The following MIB2 variants were observed in gnomAD, a reference collection of about 807,000 sequenced individuals.
The protein encoded by MIB2 is E3 ubiquitin-protein ligase MIB2.
In MIB2, 78 loss-of-function variants were observed where a neutral mutation model predicts 96.6. That is an observed-to-expected ratio of 0.81 (90% CI 0.67 to 0.97). The LOEUF (loss-of-function observed/expected upper bound fraction) is 0.97, where lower values mean the gene tolerates loss of function less well. Among genes scored for constraint, MIB2 ranks in the 50% least tolerant of loss-of-function variants. The probability of loss-of-function intolerance (pLI) is 0.00; values close to 1 mark genes in which losing one functional copy is unlikely to be tolerated. For synonymous variants in MIB2, 820 were observed against 629.5 expected (o/e 1.30, Z -4.53); for missense variants, 1,543 against 1,424.0 (o/e 1.08, Z -1.35).
At chr1:1,619,470 C>A (rs922921477) in intron 2 of MIB2, among the ~76,000 whole-genome samples, 4 of 152,254 alleles carry the variant, frequency 2.6e-5, no homozygotes, top group African/African-American at 9.6e-5. Flanking sequence ...CACACTGGCA[C>A]CGCAGAAGGG....
In MIB2 at chr1:1,627,711, G is replaced by C; in HGVS notation, c.1562G>C (p.Gly521Ala). ...GCCACCAGGGTGCTCCTGAGTGCTGGGTGCCGGGCGGACGCCATCAACAGC... is the reference window on the plus strand; with the variant it reads ...GCCACCAGGGTGCTCCTGAGTGCTGCGTGCCGGGCGGACGCCATCAACAGC... ...PEATRVLLSA[G>A]CRADAINSTQ... The change falls in exon 13 of 20, where the codon GGG becomes GCG. Residue 521 changes from glycine to alanine, a missense_variant. Physicochemically the swap from Gly to Ala is moderately conservative, Grantham distance 60 (BLOSUM62 0). Coordinates refer to ENST00000355826, the MANE Select transcript of MIB2 (RefSeq NM_001170687.4). 1 of 1,595,100 alleles carries C rather than the reference G, an allele frequency of 6.3e-7. No homozygotes were observed. The highest frequency in any genetic ancestry group is 1.1e-5 in the South Asian group (1 of 90,398).
chr1:1,621,726 A>G (rs1166285079), intron 2 of MIB2, among the ~76,000 whole-genome samples: 1 of 152,198 alleles, frequency 6.6e-6, no homozygotes, highest in Non-Finnish European at 1.5e-5. Flanking sequence ...TGGAGAGGCC[A>G]AGCTGGCCAG....
intron 2 of MIB2, chr1:1,623,064 CT>C: frequency 2.6e-6 from 1 of 384,360 alleles, no homozygotes; most frequent in South Asian, 4.8e-5. Flanking sequence ...GCAGCTCTTA[CT>C]TTAGTGAAGT....
upstream of MIB2, chr1:1,614,328 T>C (rs563035725): frequency 3.9e-5 from 6 of 152,392 alleles, no homozygotes; most frequent in East Asian, 3.9e-4. Flanking sequence ...CCGGACTTAC[T>C]GCAGGGAAAT....
chr1:1,628,854 C>A, intron 16 of MIB2, 132 bp downstream of exon 16: 2 of 853,384 alleles, frequency 2.3e-6, no homozygotes, highest in Non-Finnish European at 3.5e-6. Context: ...GGGGGTGGAG[C>A]AGATGGGAGC....
rs993978274 is a variant in MIB2, at chr1:1,623,575, C to T, written c.123C>T (p.Arg41=). ...GGVGTVVELG[R]HGSPSTPDRT... is the part of the protein sequence containing the mutation. ...TGGGCACGGTGGTGGAGCTTGGCCGCCACGGCAGCCCCTCGACACCCGACC... is the reference window on the plus strand; with the variant it reads ...TGGGCACGGTGGTGGAGCTTGGCCGTCACGGCAGCCCCTCGACACCCGACC... Residue 41 remains arginine, a synonymous_variant, in exon 3 of 20, where the codon CGC becomes CGT. Coordinates refer to ENST00000355826, the MANE Select transcript of MIB2 (RefSeq NM_001170687.4). The T allele has an allele frequency of 2.0e-6, 3 of 1,515,856 alleles. No homozygotes were observed. Among genetic ancestry groups the T allele is most frequent in the Non-Finnish European group, 2.6e-6 (3 of 1,132,716 alleles). The allele number at this position is 1,515,856 out of a possible 1,614,324, so 93.9% of individuals were successfully genotyped here.
intron 19 of MIB2, 61 bp from the exon 20 acceptor site, chr1:1,630,231 T>G: frequency 2.2e-5 from 3 of 138,266 alleles, no homozygotes; most frequent in Non-Finnish European, 3.3e-5. Flanking sequence ...CCCCCGCAGC[T>G]CCCTGCTCCC....
At position 1,629,186 on chromosome 1, in the gene MIB2, C is replaced by T. The variant is rs1645115918; in HGVS notation, c.2256C>T (p.Val752=). ...GSAELTVGAA[V]ACFLALEGAD... is the part of the protein sequence containing the mutation. ...CGGAGCTGACGGTGGGCGCGGCGGT[C>T]GCCTGCTTCCTGGCGCTGGAGGGCG... The change falls in exon 17 of 20, where the codon GTC becomes GTT. Residue 752 remains valine (V), a synonymous_variant. Coordinates refer to ENST00000355826, the MANE Select transcript of MIB2 (RefSeq NM_001170687.4). 6.6e-7 allele frequency: 1 copy of T among 1,510,432 alleles called. No homozygotes were observed. Among genetic ancestry groups the T allele is most frequent in the Non-Finnish European group, 8.8e-7 (1 of 1,137,642 alleles). The allele number at this position is 1,510,432 out of a possible 1,614,324, so 93.6% of individuals were successfully genotyped here. A position where few individuals can be genotyped will look rare whatever the true frequency, so the allele number is the denominator to read the frequency against.
At chr1:1,621,204 G>A (rs1644231210) in intron 2 of MIB2, among the ~76,000 whole-genome samples, 1 of 152,254 alleles carries the variant, frequency 6.6e-6, no homozygotes. Context: ...GGGGAATAGT[G>A]CCACAGGGGC....
chr1:1,615,537 T>C lies in MIB2; in HGVS notation c.-226T>C, dbSNP rs1643519966. 1 of 1,534,134 alleles carries C rather than the reference T, an allele frequency of 6.5e-7. No homozygotes were observed. Among genetic ancestry groups the C allele is most frequent in the Non-Finnish European group, 8.7e-7 (1 of 1,145,572 alleles). On this transcript the variant is annotated 5_prime_UTR_variant, in exon 1 of 20. Coordinates refer to ENST00000355826, the MANE Select transcript of MIB2 (RefSeq NM_001170687.4). ...CCACAGTTTCCAGCCGCCGCTCTCC[T>C]CAGTGCCCGGTGGCCCAGGAGGGCC...
chr1:1,626,850 T>C lies in MIB2; in HGVS notation c.1091T>C (p.Val364Ala). 6.3e-7 allele frequency: 1 copy of C among 1,599,498 alleles called. No homozygotes were observed. Among genetic ancestry groups the C allele is most frequent in the South Asian group, 1.1e-5 (1 of 90,822 alleles). ...TDDMAPALGR[V>A]GKVVKVFGDG... ...CCCTCCCCGCAGGCCCTGGGCCGCG[T>C]CGGGAAGGTGGTGAAAGTGTTTGGA... Residue 364 changes from valine (V) to alanine (A), a missense_variant, in exon 10 of 20, where the codon GTC becomes GCC. Transcript: ENST00000355826. This position sits in a 1 kb window ranked among gnomAD's most constrained non-coding sequence, Gnocchi z 5.3.
rs781208060 is a variant in MIB2, at chr1:1,628,599, T to C, written c.2079T>C (p.Ser693=). ...LVPLLVDAGC[S]VNAEDEEGDT... ...CGCTACTGGTGGACGCTGGGTGCAG[T>C]GTCAACGCCGAGGACGAGGAGGGGG... Residue 693 remains serine, a synonymous_variant, in exon 16 of 20, where the codon AGT becomes AGC. Transcript: ENST00000355826. 4.4e-6 allele frequency: 7 copies of C among 1,600,370 alleles called. No homozygotes were observed. The African/African-American group carries it at 8.0e-5, about 18-fold the overall frequency.
intron 2 of MIB2, chr1:1,618,333 T>G (rs1643932871): frequency 6.6e-6 from 1 of 152,458 alleles, no homozygotes; most frequent in South Asian, 2.1e-4. Context: ...CCCAGAGGCC[T>G]CCTGCTCTCC....
chr1:1,624,116 C>T lies in MIB2; in HGVS notation c.419+171C>T, dbSNP rs1278871669. On this transcript the variant is annotated intron_variant, in intron 4 of 19. Transcript: ENST00000355826. ...GCCATGGGCAGGGCACAGAGGGTGGCCTCTGGGTGGCTCTACAGGCAGCAG... is the reference window on the plus strand; with the variant it reads ...GCCATGGGCAGGGCACAGAGGGTGGTCTCTGGGTGGCTCTACAGGCAGCAG... The T allele has an allele frequency of 1.8e-5, 15 of 819,668 alleles. No homozygotes were observed. In the East Asian group the frequency reaches 2.5e-4, roughly 13 times the overall value. The allele number at this position is 819,668 out of a possible 1,614,324, so 50.8% of individuals were successfully genotyped here. A position where few individuals can be genotyped will look rare whatever the true frequency, so the allele number is the denominator to read the frequency against.
chr1:1,628,906 T>C (rs1312384718), intron 16 of MIB2, 184 bp downstream of exon 16: 6 of 724,666 alleles, frequency 8.3e-6, no homozygotes, highest in Non-Finnish European at 1.3e-5. Flanking sequence ...CTAGGCAGCC[T>C]GGGAAAGGGG....
upstream of MIB2, chr1:1,615,470 C>A (rs775387822): frequency 6.6e-7 from 1 of 1,508,514 alleles, no homozygotes; most frequent in African/African-American, 1.4e-5. Context: ...ATGGCGGGGG[C>A]GCTCCGGCGG....
Position 1,629,524 on chromosome 1 carries a change from C to T in MIB2, c.2521C>T (p.Leu841=). 1 of 1,541,650 alleles carries T rather than the reference C, an allele frequency of 6.5e-7. No homozygotes were observed. Among genetic ancestry groups the T allele is most frequent in the Non-Finnish European group, 8.7e-7 (1 of 1,147,836 alleles). ...ECLVCSELAL[L]VLFSPCQHRT... ...CCTGGTGTGCTCCGAGCTGGCGCTG[C>T]TGGTGCTGTTCTCGCCGTGCCAGCA... The change falls in exon 18 of 20, where the codon CTG becomes TTG. Residue 841 remains leucine (L), a synonymous_variant. Coordinates refer to ENST00000355826, the MANE Select transcript of MIB2 (RefSeq NM_001170687.4).
chr1:1,613,875 C>G (rs757223120), upstream of MIB2: 1 of 152,034 alleles, frequency 6.6e-6, no homozygotes, highest in African/African-American at 2.4e-5. Context: ...GCTGTGCAGC[C>G]GGGTCAGGAA....
At chr1:1,616,435 C>G in intron 1 of MIB2, 73 bp from the exon 2 acceptor site, 1 of 1,139,436 alleles carries the variant, frequency 8.8e-7, no homozygotes, top group Non-Finnish European at 1.2e-6. Flanking sequence ...CGGGCAGCCC[C>G]GGGGGCAGAC....
Sources: allele counts gnomAD v4.1 joint callset (sites outside exome capture counted in the v4.1 genomes callset), GRCh38; gene constraint gnomAD v4.1.1; non-coding constraint Gnocchi (gnomAD v3.1); transcripts MANE v1.5; gene names NCBI Gene and HGNC (gene_info 2026-07-23, HGNC 2026-07-21).